Variants in BTBD9 observed in about 807,000 individuals in gnomAD.
BTBD9 encodes BTB/POZ domain-containing protein 9.
BTBD9 carries 49 observed loss-of-function variants against 64.3 expected under a neutral mutation model. The ratio of observed to expected loss-of-function variants is 0.76; its 90% CI spans 0.61 to 0.97. The LOEUF is 0.97. BTBD9 is among the 50% of genes least tolerant of loss of function. The pLI is 0.00. For missense variants in BTBD9, 598 were observed against 762.1 expected (o/e 0.78, Z 2.53); for synonymous variants, 260 against 274.7 (o/e 0.95, Z 0.53).
intron 6 of BTBD9, among the ~76,000 whole-genome samples, chr6:38,377,548 C>T (rs1356996318): frequency 6.6e-6 from 1 of 152,140 alleles, no homozygotes; most frequent in Non-Finnish European, 1.5e-5. Flanking sequence ...CTCTTGGGTT[C>T]TTACAAACTA....
chr6:38,266,614 GAAA>G (rs1444523933), intron 8 of BTBD9, among the ~76,000 whole-genome samples: 242 of 9,718 alleles, frequency 0.025, 2 homozygotes, highest in South Asian at 0.041. Flanking sequence ...AGGAAAGAAA[GAAA>G]GAAAGAAAGA....
At chr6:38,266,910 GAC>G (rs1385813899) in intron 8 of BTBD9, among the ~76,000 whole-genome samples, 2 of 152,208 alleles carry the variant, frequency 1.3e-5, no homozygotes, top group Non-Finnish European at 2.9e-5. Flanking sequence ...TTTGGGCAGT[GAC>G]ACACTAGGCA....
At chr6:38,209,550 G>A (rs1287490311) in intron 9 of BTBD9, among the ~76,000 whole-genome samples, 2 of 152,146 alleles carry the variant, frequency 1.3e-5, no homozygotes, top group African/African-American at 4.8e-5. Flanking sequence ...AGAAACACCC[G>A]TGGAGCTAAA....
At chr6:38,521,616 TTACC>T (rs1203033158) in intron 6 of BTBD9, among the ~76,000 whole-genome samples, 1 of 152,166 alleles carries the variant, frequency 6.6e-6, no homozygotes, top group Admixed American at 6.5e-5. Context: ...TGTGGGAGGC[TTACC>T]TGTAACACAA....
intron 8 of BTBD9, among the ~76,000 whole-genome samples, chr6:38,280,452 T>C (rs10484931): frequency 0.063 from 9,585 of 152,260 alleles, 856 homozygotes; most frequent in East Asian, 0.4. Flanking sequence ...GCATGACTGA[T>C]ATGAAGCAAA....
intron 8 of BTBD9, among the ~76,000 whole-genome samples, chr6:38,277,892 G>T (rs1401816424): frequency 6.6e-6 from 1 of 152,140 alleles, no homozygotes; most frequent in East Asian, 1.9e-4. Flanking sequence ...GAAATGGCAA[G>T]CAGGAGGTAG....
At chr6:38,520,731 G>A (rs1026439567) in intron 6 of BTBD9, among the ~76,000 whole-genome samples, 4 of 151,696 alleles carry the variant, frequency 2.6e-5, no homozygotes, top group Non-Finnish European at 2.9e-5. Flanking sequence ...TCAAGAGTTC[G>A]AGACCAGCCT....
chr6:38,512,925 A>G (rs1413528862), intron 6 of BTBD9, among the ~76,000 whole-genome samples: 1 of 152,188 alleles, frequency 6.6e-6, no homozygotes, highest in African/African-American at 2.4e-5. Flanking sequence ...TATAGCCTGA[A>G]AATACCAAAG....
chr6:38,297,871 C>T lies in BTBD9; in HGVS notation c.1265-9410G>A, dbSNP rs538009944. On this transcript the variant is annotated intron_variant, in intron 7 of 10. Transcript: ENST00000481247. ...TTTTTTTTTTTCTGAGATGGAGTCT[C>T]GCTCTGTCGCCCAGGCTGCAGTGCA... Among the ~76,000 whole-genome samples, 56 of 147,530 alleles carry T rather than the reference C, an allele frequency of 3.8e-4. 1 individual carries two copies. In the South Asian group the frequency reaches 4.9e-3, roughly 13 times the overall value.
At chr6:38,464,845 A>G (rs1407968230) in intron 6 of BTBD9, among the ~76,000 whole-genome samples, 1 of 152,136 alleles carries the variant, frequency 6.6e-6, no homozygotes, top group Non-Finnish European at 1.5e-5. Context: ...GAAGTAGGGT[A>G]ATGCTGGCCT....
At chr6:38,264,773 C>T (rs1427330390) in intron 8 of BTBD9, among the ~76,000 whole-genome samples, 2 of 152,128 alleles carry the variant, frequency 1.3e-5, no homozygotes, top group East Asian at 3.9e-4. Flanking sequence ...TCAGCGGGAG[C>T]CTAGAGCCCA....
intron 6 of BTBD9, among the ~76,000 whole-genome samples, chr6:38,443,456 C>G (rs1027107298): frequency 1.3e-5 from 2 of 152,186 alleles, no homozygotes; most frequent in African/African-American, 4.8e-5. Context: ...TCACTTTCCC[C>G]TTATTCTGGC....
chr6:38,359,352 C>T lies in BTBD9; in HGVS notation c.1155-14259G>A, dbSNP rs548211149. Among the ~76,000 whole-genome samples, 116 of 152,276 alleles carry T rather than the reference C, an allele frequency of 7.6e-4. 1 individual carries two copies. In the South Asian group the frequency reaches 0.023, roughly 30 times the overall value. On this transcript the variant is annotated intron_variant, in intron 6 of 10. Coordinates refer to ENST00000481247, the MANE Select transcript of BTBD9 (RefSeq NM_001099272.2). ...CCACACAAACTCTCCTCAACCCTAA[C>T]ACTCTTCAGTCTAACAGACGAGAGC...
In BTBD9 at chr6:38,170,788, A is replaced by G. The variant is rs551353671; in HGVS notation, c.*4197T>C. 3 of 152,238 alleles carry G rather than the reference A, an allele frequency of 2.0e-5. No individual in the cohort carries two copies. The highest frequency in any genetic ancestry group is 4.4e-5 in the Non-Finnish European group (3 of 68,056). 9.4% of individuals were successfully genotyped at this position (152,238 alleles called of 1,614,324 possible). A position where few individuals can be genotyped will look rare whatever the true frequency, so the allele number is the denominator to read the frequency against. The stretch of plus-strand genomic sequence containing the variant: ...AACTCCTGCCGGGGCTGTTGTCAGG[A>G]AAAATATGCAGAATCAATGGCTGCA... On this transcript the variant is annotated 3_prime_UTR_variant, in exon 11 of 11. Transcript: ENST00000481247.
rs905128022 is a variant in BTBD9, at chr6:38,564,834, G to A, written c.1154+12766C>T. Among the ~76,000 whole-genome samples the A allele has an allele frequency of 4.1e-4, 62 of 152,116 alleles. 2 individuals are homozygous for A. The highest frequency in any genetic ancestry group is 5.8e-4 in the East Asian group (3 of 5,188). On this transcript the variant is annotated intron_variant, in intron 6 of 10. Transcript: ENST00000481247. ...ATGAACCCGGGAGGCAGAGCTTGCA[G>A]TGAGCCGAGATTGCACTGCTGCACT... is the stretch of plus-strand genomic sequence containing the variant.
intron 7 of BTBD9, among the ~76,000 whole-genome samples, chr6:38,292,279 G>A (rs989262047): frequency 6.6e-6 from 1 of 151,920 alleles, no homozygotes; most frequent in African/African-American, 2.4e-5. Flanking sequence ...TTTCTTTTTT[G>A]TTGTTGTTGT....
intron 9 of BTBD9, among the ~76,000 whole-genome samples, chr6:38,209,160 G>A (rs546439490): frequency 1.8e-4 from 27 of 152,216 alleles, no homozygotes; most frequent in Non-Finnish European, 4.0e-4. Context: ...GATGAGGAGA[G>A]CTTTTGGTGG....
intron 1 of BTBD9, among the ~76,000 whole-genome samples, chr6:38,627,448 T>C (rs1040886173): frequency 1.3e-5 from 2 of 152,162 alleles, no homozygotes; most frequent in Non-Finnish European, 2.9e-5. Flanking sequence ...ATATGCCACA[T>C]ATACACAGCA....
Position 38,353,538 on chromosome 6 carries a change from T to C in BTBD9, c.1155-8445A>G, listed in dbSNP as rs1247897654. 2.0e-5 allele frequency among the ~76,000 whole-genome samples: 3 copies of C among 152,306 alleles called. 1 individual carries two copies. The South Asian group carries it at 6.2e-4, about 32-fold the overall frequency. ...GTGCTAATGTGAACAAATTCCCATATGGGAATAATTTTAACCAATGTCATT... is the reference window on the plus strand; with the variant it reads ...GTGCTAATGTGAACAAATTCCCATACGGGAATAATTTTAACCAATGTCATT... On this transcript the variant is annotated intron_variant, in intron 6 of 10. Coordinates refer to ENST00000481247, the MANE Select transcript of BTBD9 (RefSeq NM_001099272.2).
Sources: gnomAD v4.1 joint callset for allele counts (sites outside exome capture counted in the v4.1 genomes callset) on GRCh38, gnomAD v4.1.1 for gene constraint, MANE v1.5 for transcripts, NCBI Gene and HGNC (gene_info 2026-07-23, HGNC 2026-07-21) for gene names.